Variants in NRG3 observed in about 807,000 individuals in gnomAD.
NRG3 encodes the protein neuregulin 3, also known as pro-neuregulin-3, membrane-bound isoform.
Under a neutral mutation model 66.9 loss-of-function variants are expected in NRG3, and 31 were observed. The ratio of observed to expected loss-of-function variants is 0.46; its 90% CI spans 0.35 to 0.63. The LOEUF (loss-of-function observed/expected upper bound fraction) is 0.63. Among genes scored for constraint, NRG3 ranks in the 20% least tolerant of loss-of-function variants. The pLI, the probability that NRG3 is intolerant of heterozygous loss-of-function variation, is 0.00. For missense variants in NRG3, 910 were observed against 878.9 expected, an observed-to-expected ratio of 1.04 and a Z score of -0.45; for synonymous variants, 393 against 359.4, an observed-to-expected ratio of 1.09 and a Z score of -1.06.
intron 2 of NRG3, among the ~76,000 whole-genome samples, chr10:82,730,291 A>T (rs1451641971): frequency 6.6e-6 from 1 of 151,798 alleles, no homozygotes; most frequent in Non-Finnish European, 1.5e-5. Context: ...TAACTGTGTT[A>T]GCCAGGATGG....
At chr10:82,537,298 G>A (rs187269983) in intron 2 of NRG3, among the ~76,000 whole-genome samples, 17 of 152,040 alleles carry the variant, frequency 1.1e-4, no homozygotes, top group Non-Finnish European at 2.2e-4. Context: ...CATTTTCATG[G>A]AATGAACAGG....
intron 1 of NRG3, among the ~76,000 whole-genome samples, chr10:82,245,775 T>C (rs116416421): frequency 0.013 from 1,968 of 152,298 alleles, 32 homozygotes; most frequent in South Asian, 0.047. Flanking sequence ...ATTCTCATTT[T>C]TGAGAAGATA....
chr10:82,347,787 C>T (rs2083131258), intron 1 of NRG3, among the ~76,000 whole-genome samples: 1 of 152,140 alleles, frequency 6.6e-6, no homozygotes, highest in African/African-American at 2.4e-5. Flanking sequence ...ATAGTTAGCT[C>T]TTCTTGTTGA....
intron 4 of NRG3, among the ~76,000 whole-genome samples, chr10:82,938,889 A>C (rs910133259): frequency 6.6e-6 from 1 of 152,156 alleles, no homozygotes; most frequent in Non-Finnish European, 1.5e-5. Context: ...AAGTGATAAA[A>C]CCTAGAATTG....
chr10:82,139,446 A>T (rs537595147), intron 1 of NRG3, among the ~76,000 whole-genome samples: 1 of 152,166 alleles, frequency 6.6e-6, no homozygotes, highest in Non-Finnish European at 1.5e-5. Flanking sequence ...TACTTGATGT[A>T]ACTGGTGGTA....
chr10:82,826,831 C>T (rs1038768615), intron 3 of NRG3, among the ~76,000 whole-genome samples: 1 of 151,864 alleles, frequency 6.6e-6, no homozygotes, highest in Non-Finnish European at 1.5e-5. Context: ...TGGGAGAGGA[C>T]ATACCTTGTA....
intron 3 of NRG3, among the ~76,000 whole-genome samples, chr10:82,838,319 T>C (rs574625): frequency 0.34 from 52,022 of 151,882 alleles, 9,118 homozygotes; most frequent in African/African-American, 0.4. Context: ...CAGAAATGTC[T>C]GTGTATGTTA....
chr10:82,116,391 C>CT (rs964918630), intron 1 of NRG3, among the ~76,000 whole-genome samples: 10 of 152,108 alleles, frequency 6.6e-5, no homozygotes, highest in Non-Finnish European at 1.2e-4. Flanking sequence ...CTATTTAGCT[C>CT]TTTTTTTAGA....
intron 1 of NRG3, among the ~76,000 whole-genome samples, chr10:81,978,957 G>A (rs550918523): frequency 2.6e-5 from 4 of 152,162 alleles, no homozygotes; most frequent in African/African-American, 9.6e-5. Context: ...TTGGGAGGCC[G>A]AGGTGGGCGG....
At chr10:82,238,271 A>G (rs2133966338) in intron 1 of NRG3, among the ~76,000 whole-genome samples, 1 of 152,296 alleles carries the variant, frequency 6.6e-6, no homozygotes, top group Non-Finnish European at 1.5e-5. Context: ...ATCAATAAGT[A>G]TAGCAATCCT....
chr10:82,647,278 G>A (rs2051018187), intron 2 of NRG3, among the ~76,000 whole-genome samples: 1 of 152,056 alleles, frequency 6.6e-6, no homozygotes, highest in Non-Finnish European at 1.5e-5. Context: ...TCTTGCGATA[G>A]TTTACTGAGG....
At chr10:82,552,290 C>A (rs1248640903) in intron 2 of NRG3, among the ~76,000 whole-genome samples, 5 of 152,060 alleles carry the variant, frequency 3.3e-5, no homozygotes, top group Non-Finnish European at 7.4e-5. Flanking sequence ...TACCAGTTTT[C>A]AAGATAATGA....
intron 4 of NRG3, among the ~76,000 whole-genome samples, chr10:82,893,978 TAACAA>T (rs1229107932): frequency 1.3e-5 from 2 of 152,186 alleles, no homozygotes; most frequent in African/African-American, 4.8e-5. Context: ...TGTTACCCTA[TAACAA>T]AACAAAACAA....
chr10:82,117,702 C>T lies in NRG3; in HGVS notation c.824-241037C>T, dbSNP rs189725767. Among the ~76,000 whole-genome samples the T allele has an allele frequency of 1.2e-3, 178 of 152,170 alleles. 1 individual carries two copies. The highest frequency in any genetic ancestry group is 2.0e-3 in the Non-Finnish European group (138 of 68,004). ...GAGTGTCTTGTGCAACTTGGGGAAACGTTGAAATCACAACCTACAGCTAAC... is the reference window on the plus strand; with the variant it reads ...GAGTGTCTTGTGCAACTTGGGGAAATGTTGAAATCACAACCTACAGCTAAC... On this transcript the variant is annotated intron_variant, in intron 1 of 8. Coordinates refer to ENST00000372141, the MANE Select transcript of NRG3 (RefSeq NM_001010848.4).
intron 3 of NRG3, among the ~76,000 whole-genome samples, chr10:82,833,935 G>A (rs983138021): frequency 6.6e-6 from 1 of 152,184 alleles, no homozygotes; most frequent in Non-Finnish European, 1.5e-5. Context: ...TGGGAGAATG[G>A]AGGTGAAGTG....
chr10:82,068,216 C>T (rs149867763), intron 1 of NRG3, among the ~76,000 whole-genome samples: 112 of 152,302 alleles, frequency 7.4e-4, no homozygotes, highest in African/African-American at 2.5e-3. Context: ...TACAGTAGAA[C>T]ATAACTGTTT....
Position 82,726,931 on chromosome 10 carries a change from G to A in NRG3, c.954-11646G>A, listed in dbSNP as rs183930993. 7.9e-4 allele frequency among the ~76,000 whole-genome samples: 120 copies of A among 152,260 alleles called. No homozygotes were observed. In the East Asian group the frequency reaches 0.011, roughly 14 times the overall value. On this transcript the variant is annotated intron_variant, in intron 2 of 8. Transcript: ENST00000372141. ...AAGATGAGAAACTTGTTGGGAACTA[G>A]AGCAAAGCTGCCTCTTGTTATGTTT...
At chr10:82,215,123 A>G (rs1258442391) in intron 1 of NRG3, among the ~76,000 whole-genome samples, 2 of 152,190 alleles carry the variant, frequency 1.3e-5, no homozygotes, top group African/African-American at 4.8e-5. Flanking sequence ...GTTAAATTTT[A>G]TTCAGCAAAA....
At chr10:82,452,417 T>G (rs1055424115) in intron 2 of NRG3, among the ~76,000 whole-genome samples, 3 of 152,234 alleles carry the variant, frequency 2.0e-5, no homozygotes, top group Admixed American at 2.0e-4. Context: ...AGAACACAAT[T>G]TATTTCATTT....
Sources: allele counts gnomAD v4.1 joint callset (sites outside exome capture counted in the v4.1 genomes callset), GRCh38; gene constraint gnomAD v4.1.1; transcripts MANE v1.5; gene names NCBI Gene and HGNC (gene_info 2026-07-23, HGNC 2026-07-21).